The following NELL1 variants were observed in gnomAD, a reference collection of about 807,000 sequenced individuals.
The protein encoded by NELL1 is neural EGFL like 1, also known as protein kinase C-binding protein NELL1.
Under a neutral mutation model 107.4 loss-of-function variants are expected in NELL1, and 76 were observed. That is an observed-to-expected ratio of 0.71 (90% CI 0.59 to 0.86). NELL1 has a LOEUF of 0.86. Among genes scored for constraint, NELL1 ranks in the 40% least tolerant of loss-of-function variants. The pLI is 0.00. For synonymous variants in NELL1, 353 were observed against 341.2 expected, an observed-to-expected ratio of 1.03 and a Z score of -0.38; for missense variants, 1,024 against 1,005.5, an observed-to-expected ratio of 1.02 and a Z score of -0.25.
At chr11:21,309,668 A>G (rs995591670) in intron 14 of NELL1, among the ~76,000 whole-genome samples, 1 of 152,064 alleles carries the variant, frequency 6.6e-6, no homozygotes, top group Non-Finnish European at 1.5e-5. Flanking sequence ...TTACAGTTCC[A>G]CATGGCTGGG....
At chr11:21,222,168 T>C (rs978744642) in intron 13 of NELL1, among the ~76,000 whole-genome samples, 2 of 152,034 alleles carry the variant, frequency 1.3e-5, no homozygotes, top group African/African-American at 4.8e-5. Context: ...CTTTTGTATT[T>C]TGTTTGTTTG....
At chr11:21,204,856 C>T (rs924967811) in intron 13 of NELL1, among the ~76,000 whole-genome samples, 31 of 152,210 alleles carry the variant, frequency 2.0e-4, no homozygotes, top group African/African-American at 7.0e-4. Context: ...AATTTTCCTT[C>T]TAACAGGCCC....
At chr11:21,330,620 A>G (rs1850252318) in intron 14 of NELL1, among the ~76,000 whole-genome samples, 1 of 151,966 alleles carries the variant, frequency 6.6e-6, no homozygotes, top group African/African-American at 2.4e-5. Context: ...TTTATGTATA[A>G]TAAGTCATTT....
At chr11:21,548,886 T>C (rs2133987206) in intron 16 of NELL1, among the ~76,000 whole-genome samples, 1 of 150,486 alleles carries the variant, frequency 6.6e-6, no homozygotes, top group South Asian at 2.1e-4. Flanking sequence ...TACACTGGGG[T>C]CCTAGCATTG....
intron 13 of NELL1, among the ~76,000 whole-genome samples, chr11:21,177,995 T>G (rs1046313740): frequency 1.3e-5 from 2 of 151,912 alleles, no homozygotes; most frequent in African/African-American, 2.4e-5. Flanking sequence ...TACTTTGAGT[T>G]TCTTATATAC....
chr11:20,923,600 A>T (rs1850427844), intron 7 of NELL1, among the ~76,000 whole-genome samples: 1 of 152,084 alleles, frequency 6.6e-6, no homozygotes, highest in Non-Finnish European at 1.5e-5. Context: ...ATAGGGTCAG[A>T]CTCTGTCCTG....
At chr11:20,771,926 C>T (rs1364126905) in intron 2 of NELL1, among the ~76,000 whole-genome samples, 1 of 152,174 alleles carries the variant, frequency 6.6e-6, no homozygotes, top group Non-Finnish European at 1.5e-5. Flanking sequence ...ATATTAAAAT[C>T]ACTGTGCCTT....
chr11:21,417,173 C>T (rs1391333544), intron 15 of NELL1, among the ~76,000 whole-genome samples: 1 of 152,048 alleles, frequency 6.6e-6, no homozygotes, highest in East Asian at 1.9e-4. Context: ...TTTGCTGCTG[C>T]TTCTTGTTCT....
rs1019939351 is a variant in NELL1, at chr11:21,319,244, C to T, written c.1550-51609C>T. On this transcript the variant is annotated intron_variant, in intron 14 of 19. Transcript: ENST00000357134. ...AGGCTGGAGTGCAGTGACATGATCT[C>T]GGCTCACTGCAACTTCCACCTTCTG... Among the ~76,000 whole-genome samples the T allele has an allele frequency of 5.9e-5, 9 of 151,640 alleles. No homozygotes were observed. In the South Asian group the frequency reaches 6.2e-4, roughly 11 times the overall value.
chr11:20,997,201 C>G (rs1348199574), intron 12 of NELL1, among the ~76,000 whole-genome samples: 1 of 152,174 alleles, frequency 6.6e-6, no homozygotes, highest in Non-Finnish European at 1.5e-5. Flanking sequence ...GTTTCCAATT[C>G]AATGACTATT....
intron 12 of NELL1, among the ~76,000 whole-genome samples, chr11:20,975,938 T>A (rs529589330): frequency 2.9e-4 from 39 of 134,258 alleles, no homozygotes; most frequent in African/African-American, 1.0e-3. Context: ...TGTACATATA[T>A]GTGTACATAT....
At chr11:20,868,929 C>T (rs1230397554) in intron 4 of NELL1, among the ~76,000 whole-genome samples, 1 of 152,194 alleles carries the variant, frequency 6.6e-6, no homozygotes, top group South Asian at 2.1e-4. Context: ...CAAGAAAACT[C>T]GAGGAAAGAT....
intron 13 of NELL1, among the ~76,000 whole-genome samples, chr11:21,168,957 T>G (rs981085672): frequency 1.3e-5 from 2 of 151,968 alleles, no homozygotes; most frequent in Non-Finnish European, 2.9e-5. Flanking sequence ...TATTTGTCAG[T>G]GCATATGACT....
chr11:20,690,870 G>A (rs1440399824), intron 2 of NELL1, among the ~76,000 whole-genome samples: 51 of 151,288 alleles, frequency 3.4e-4, no homozygotes, highest in African/African-American at 1.2e-3. Flanking sequence ...AAATTACCTT[G>A]GGCAGTATGG....
intron 4 of NELL1, among the ~76,000 whole-genome samples, chr11:20,863,162 C>T (rs1056582056): frequency 2.0e-5 from 3 of 152,152 alleles, no homozygotes; most frequent in Non-Finnish European, 4.4e-5. Flanking sequence ...CTCCTCACTT[C>T]CCAGAAGGGG....
At chr11:21,286,660 T>A (rs1465320769) in intron 14 of NELL1, among the ~76,000 whole-genome samples, 1 of 152,200 alleles carries the variant, frequency 6.6e-6, no homozygotes, top group Non-Finnish European at 1.5e-5. Context: ...AATTTCTCTA[T>A]CTGTTAAAGA....
intron 12 of NELL1, among the ~76,000 whole-genome samples, chr11:20,996,954 A>G (rs926951541): frequency 6.6e-6 from 1 of 152,150 alleles, no homozygotes; most frequent in Non-Finnish European, 1.5e-5. Flanking sequence ...CCTATATTTT[A>G]GGAACTTCTC....
Position 21,036,787 on chromosome 11 carries a change from G to A in NELL1, c.1300+76227G>A, listed in dbSNP as rs541610105. 3.3e-5 allele frequency among the ~76,000 whole-genome samples: 5 copies of A among 151,648 alleles called. No homozygotes were observed. The South Asian group carries it at 1.0e-3, about 32-fold the overall frequency. The stretch of plus-strand genomic sequence containing the variant: ...ACACACACTTCTAGAAATTCTGTTA[G>A]TTTAAAATTTTGTTTTCTGGTTTCC... On this transcript the variant is annotated intron_variant, in intron 12 of 19. Coordinates refer to ENST00000357134, the MANE Select transcript of NELL1 (RefSeq NM_006157.5).
intron 16 of NELL1, among the ~76,000 whole-genome samples, chr11:21,534,968 T>C (rs1425174119): frequency 6.6e-6 from 1 of 152,154 alleles, no homozygotes; most frequent in Non-Finnish European, 1.5e-5. Flanking sequence ...TCTGTGTATA[T>C]GTAAAAATGA....
Sources: gnomAD v4.1 joint callset for allele counts (sites outside exome capture counted in the v4.1 genomes callset) on GRCh38, gnomAD v4.1.1 for gene constraint, MANE v1.5 for transcripts, NCBI Gene and HGNC (gene_info 2026-07-23, HGNC 2026-07-21) for gene names.